Variants in MAPK1IP1L observed in about 807,000 individuals in gnomAD.
MAPK1IP1L encodes the protein mitogen-activated protein kinase 1 interacting protein 1 like.
MAPK1IP1L carries 10 observed loss-of-function variants against 18.1 expected under a neutral mutation model. The observed-to-expected ratio is 0.55, with a 90% CI of 0.34 to 0.94. The LOEUF (loss-of-function observed/expected upper bound fraction) is 0.94. Among genes scored for constraint, MAPK1IP1L ranks in the 40% least tolerant of loss-of-function variants. The pLI, the probability that MAPK1IP1L is intolerant of heterozygous loss-of-function variation, is 0.02. For missense variants in MAPK1IP1L, 260 were observed against 318.2 expected, an observed-to-expected ratio of 0.82 and a Z score of 1.39; for synonymous variants, 115 against 117.3, an observed-to-expected ratio of 0.98 and a Z score of 0.13.
Position 55,065,429 on chromosome 14 carries a change from C to G in MAPK1IP1L, c.*802C>G, listed in dbSNP as rs1210081203. 1 of 152,096 alleles carries G rather than the reference C, an allele frequency of 6.6e-6. No homozygotes were observed. The highest frequency in any genetic ancestry group is 1.5e-5 in the Non-Finnish European group (1 of 68,024). 9.4% of individuals were successfully genotyped at this position (152,096 alleles called of 1,614,324 possible). On this transcript the variant is annotated 3_prime_UTR_variant, in exon 4 of 4. Transcript: ENST00000395468. ...GAAGAGCTCGAGGAAGGAAATAATT[C>G]TCTCCTTTGTTTTGAACCTCAAACT...
intron 1 of MAPK1IP1L, among the ~76,000 whole-genome samples, chr14:55,061,461 T>A (rs2042817634): frequency 6.6e-6 from 1 of 152,214 alleles, no homozygotes. Context: ...TGCAAATCAT[T>A]TTTGTATGAT....
chr14:55,059,714 A>G (rs12589920), intron 1 of MAPK1IP1L, among the ~76,000 whole-genome samples: 4,022 of 152,306 alleles, frequency 0.026, 146 homozygotes, highest in East Asian at 0.15. Context: ...ACCTTAAACA[A>G]GTTAACTTGC....
In MAPK1IP1L at chr14:55,051,781, A is replaced by G. The variant is rs2042730494; in HGVS notation, c.-27A>G. On this transcript the variant is annotated 5_prime_UTR_variant, in exon 1 of 4. Coordinates refer to ENST00000395468, the MANE Select transcript of MAPK1IP1L (RefSeq NM_144578.4). ...GGACCCATCGCCGCTTCTAGACCCT[A>G]CTGCGGTCTCGGATATTGCCGGGTG... 2.0e-6 allele frequency: 1 copy of G among 502,978 alleles called. No individual in the cohort carries two copies. The highest frequency in any genetic ancestry group is 2.0e-5 in the African/African-American group (1 of 49,640). The allele number at this position is 502,978 out of a possible 1,614,324, so 31.2% of individuals were successfully genotyped here.
intron 1 of MAPK1IP1L, chr14:55,060,248 T>C (rs1321360057): frequency 7.5e-6 from 1 of 133,718 alleles, no homozygotes; most frequent in Non-Finnish European, 1.5e-5. Flanking sequence ...CTCGGCTCAC[T>C]GCAAGCTCCG....
At chr14:55,052,708 C>A (rs2042740651) in intron 1 of MAPK1IP1L, among the ~76,000 whole-genome samples, 1 of 152,140 alleles carries the variant, frequency 6.6e-6, no homozygotes, top group East Asian at 1.9e-4. Context: ...TTCATAAGTT[C>A]TTTGTTCACT....
At chr14:55,060,716 G>A (rs1447201417) in intron 1 of MAPK1IP1L, 3 of 152,152 alleles carry the variant, frequency 2.0e-5, no homozygotes, top group Non-Finnish European at 2.9e-5. Context: ...TGTATCTTGG[G>A]GTGGTTATAG....
intron 2 of MAPK1IP1L, 58 bp from the exon 3 acceptor site, chr14:55,062,560 A>G (rs1169013747): frequency 7.3e-7 from 1 of 1,374,318 alleles, no homozygotes; most frequent in East Asian, 2.4e-5. Context: ...TGGGTTTATA[A>G]TGGTGTTCGA....
In MAPK1IP1L at chr14:55,064,770, C is replaced by A; in HGVS notation, c.*143C>A. 2 of 684,716 alleles carry A rather than the reference C, an allele frequency of 2.9e-6. No homozygotes were observed. Among genetic ancestry groups the A allele is most frequent in the Admixed American group, 2.8e-5 (1 of 36,046 alleles). The allele number at this position is 684,716 out of a possible 1,614,324, so 42.4% of individuals were successfully genotyped here. A position where few individuals can be genotyped will look rare whatever the true frequency, so the allele number is the denominator to read the frequency against. On this transcript the variant is annotated 3_prime_UTR_variant, in exon 4 of 4. Coordinates refer to ENST00000395468, the MANE Select transcript of MAPK1IP1L (RefSeq NM_144578.4). ...TTGCACCTCTCAGAGAAGATAACTG[C>A]CTCTTGTACTTGGATGCGTAGTACA...
chr14:55,059,144 A>T (rs1238285546), intron 1 of MAPK1IP1L, among the ~76,000 whole-genome samples: 1 of 151,110 alleles, frequency 6.6e-6, no homozygotes, highest in Non-Finnish European at 1.5e-5. Context: ...CTGTAAATAT[A>T]ATACATTTCC....
chr14:55,060,203 C>A (rs1448448981), intron 1 of MAPK1IP1L, among the ~76,000 whole-genome samples: 1 of 113,772 alleles, frequency 8.8e-6, no homozygotes, highest in Non-Finnish European at 1.6e-5. Flanking sequence ...ATGGAGTAGC[C>A]CTCCGTTGCC....
At chr14:55,054,637 G>A (rs957593761) in intron 1 of MAPK1IP1L, among the ~76,000 whole-genome samples, 1 of 152,170 alleles carries the variant, frequency 6.6e-6, no homozygotes, top group African/African-American at 2.4e-5. Context: ...GTCTCTTATT[G>A]AGAAGTTTTT....
intron 1 of MAPK1IP1L, among the ~76,000 whole-genome samples, chr14:55,055,736 G>A (rs2042766325): frequency 6.6e-6 from 1 of 152,108 alleles, no homozygotes; most frequent in Non-Finnish European, 1.5e-5. Flanking sequence ...TTTGAGACCA[G>A]CCTGGCCAAC....
At position 55,066,329 on chromosome 14, in the gene MAPK1IP1L, C is replaced by G. The variant is rs1473192505; in HGVS notation, c.*1702C>G. On this transcript the variant is annotated 3_prime_UTR_variant, in exon 4 of 4. Transcript: ENST00000395468. ...CCTTATGTTAACTAGATGATAGATT[C>G]AAGCTTTTAGAAATGAGAAAGTAGA... 2.0e-5 allele frequency: 3 copies of G among 152,164 alleles called. No homozygotes were observed. The East Asian group carries it at 5.8e-4, about 29-fold the overall frequency. 9.4% of individuals were successfully genotyped at this position (152,164 alleles called of 1,614,324 possible).
Position 55,062,929 on chromosome 14 carries a change from T to C in MAPK1IP1L, c.330T>C (p.Pro110=), listed in dbSNP as rs1199096609. The stretch of plus-strand genomic sequence containing the variant: ...ATCCAGCCCCAACTGTGCCGGGCCC[T>C]GGCCCCACAGGGCCATATCCTACAC... ...GPYPAPTVPG[P]GPTGPYPTPN... Residue 110 remains proline (P), a synonymous_variant, in exon 3 of 4, where the codon CCT becomes CCC. Transcript: ENST00000395468. 3.7e-6 allele frequency: 6 copies of C among 1,614,056 alleles called. No individual in the cohort carries two copies. The South Asian group carries it at 5.5e-5, about 15-fold the overall frequency.
intron 1 of MAPK1IP1L, among the ~76,000 whole-genome samples, chr14:55,059,748 A>G (rs2042801717): frequency 6.6e-6 from 1 of 152,148 alleles, no homozygotes; most frequent in Non-Finnish European, 1.5e-5. Flanking sequence ...CTCCAGCTGT[A>G]AACTGGGGGT....
At chr14:55,064,475 T>A (rs2042846733) in intron 3 of MAPK1IP1L, 141 bp from the exon 4 acceptor site, 2 of 606,534 alleles carry the variant, frequency 3.3e-6, no homozygotes, top group South Asian at 5.5e-5. Flanking sequence ...AATATTTGTT[T>A]TGCAAAGTGT....
Position 55,062,711 on chromosome 14 carries a change from A to G in MAPK1IP1L, c.112A>G (p.Asn38Asp), listed in dbSNP as rs745857361. ...GQPPQGWPGS[N>D]PWNNPSAPSS... Reference sequence around the variant, plus strand: ...ACCTCCTCAAGGCTGGCCAGGCTCCAACCCTTGGAATAATCCGAGTGCTCC... The same window carrying G: ...ACCTCCTCAAGGCTGGCCAGGCTCCGACCCTTGGAATAATCCGAGTGCTCC... Residue 38 changes from asparagine to aspartate, a missense_variant, in exon 3 of 4, where the codon AAC becomes GAC. Transcript: ENST00000395468. The G allele has an allele frequency of 6.2e-7, 1 of 1,614,150 alleles. No homozygotes were observed. The highest frequency in any genetic ancestry group is 1.1e-5 in the South Asian group (1 of 91,080).
chr14:55,062,505 T>C (rs2042825338), intron 2 of MAPK1IP1L, 113 bp from the exon 3 acceptor site: 1 of 818,030 alleles, frequency 1.2e-6, no homozygotes, highest in African/African-American at 1.7e-5. Flanking sequence ...TTTGAAGATA[T>C]TCTTGAGGTT....
chr14:55,061,175 T>G (rs767239553), intron 1 of MAPK1IP1L, among the ~76,000 whole-genome samples: 8 of 152,134 alleles, frequency 5.3e-5, no homozygotes, highest in Admixed American at 3.3e-4. Context: ...CGAGGAAATG[T>G]AAGTTAAAAT....
Sources: allele counts gnomAD v4.1 joint callset (sites outside exome capture counted in the v4.1 genomes callset), GRCh38; gene constraint gnomAD v4.1.1; transcripts MANE v1.5; gene names NCBI Gene and HGNC (gene_info 2026-07-23, HGNC 2026-07-21).